MCM8: variants seen among roughly 807,000 people sequenced by gnomAD.
The protein encoded by MCM8 is minichromosome maintenance 8 homologous recombination repair factor, also known as DNA helicase MCM8.
A neutral mutation model predicts 98.9 loss-of-function variants in MCM8; 85 were observed. The ratio of observed to expected loss-of-function variants is 0.86; its 90% CI spans 0.72 to 1.03. MCM8 has a LOEUF of 1.03. Among genes scored for constraint, MCM8 ranks in the 50% least tolerant of loss-of-function variants. The probability of loss-of-function intolerance (pLI) is 0.00; values close to 1 mark genes in which losing one functional copy is unlikely to be tolerated. For missense variants in MCM8, 951 were observed against 997.8 expected, an observed-to-expected ratio of 0.95 and a Z score of 0.63; for synonymous variants, 352 against 338.6, an observed-to-expected ratio of 1.04 and a Z score of -0.44.
chr20:5,952,184 T>G, intron 2 of MCM8, 21 bp downstream of exon 2: 1 of 1,608,398 alleles, frequency 6.2e-7, no homozygotes. Context: ...TCAATGATTG[T>G]TCAATTTTTT....
At chr20:5,984,310 G>A (rs1437867529) in intron 14 of MCM8, among the ~76,000 whole-genome samples, 7 of 151,866 alleles carry the variant, frequency 4.6e-5, no homozygotes, top group Non-Finnish European at 1.0e-4. Flanking sequence ...GGAGATTTAG[G>A]GTATTTACCA....
chr20:5,967,822 A>G lies in MCM8; in HGVS notation c.1028-8A>G, dbSNP rs751694018. 6.3e-7 allele frequency: 1 copy of G among 1,596,204 alleles called. No individual in the cohort carries two copies. The highest frequency in any genetic ancestry group is 1.3e-5 in the African/African-American group (1 of 74,102). ...CCAACTATTGTATTTAACACTTTTA[A>G]TTTACAGGTTCTCGAAATAAGAATG... On this transcript the variant is annotated splice_polypyrimidine_tract_variant and splice_region_variant and intron_variant, in intron 9 of 18. Transcript: ENST00000610722.
chr20:5,960,457 T>C (rs1028652796), intron 7 of MCM8, among the ~76,000 whole-genome samples: 1 of 152,180 alleles, frequency 6.6e-6, no homozygotes, highest in African/African-American at 2.4e-5. Flanking sequence ...TATTAGTTTA[T>C]TGATAGGAGT....
chr20:5,953,438 GGTGTGTGTGT>G (rs11470045), intron 3 of MCM8, among the ~76,000 whole-genome samples: 41 of 146,294 alleles, frequency 2.8e-4, no homozygotes, highest in Admixed American at 1.1e-3. Flanking sequence ...TCTCATGAGG[GGTGTGTGTGT>G]GTGTGTGTGT....
chr20:5,968,545 TA>T (rs990615404), intron 10 of MCM8, among the ~76,000 whole-genome samples: 135 of 146,272 alleles, frequency 9.2e-4, no homozygotes, highest in African/African-American at 1.8e-3. Context: ...ACTCTGTCTT[TA>T]AAAAAAAAAA....
At position 5,971,990 on chromosome 20, in the gene MCM8, T is replaced by C; in HGVS notation, c.1224-17T>C. On this transcript the variant is annotated splice_polypyrimidine_tract_variant and intron_variant, in intron 10 of 18. Coordinates refer to ENST00000610722, the MANE Select transcript of MCM8 (RefSeq NM_032485.6). ...GAAGTATAAATTAGAATTTATAAGTTGTGTTCTGTTTTTCAGCTCGCTTTG... is the reference window on the plus strand; with the variant it reads ...GAAGTATAAATTAGAATTTATAAGTCGTGTTCTGTTTTTCAGCTCGCTTTG... 1 of 1,609,194 alleles carries C rather than the reference T, an allele frequency of 6.2e-7. No homozygotes were observed. The highest frequency in any genetic ancestry group is 8.5e-7 in the Non-Finnish European group (1 of 1,176,800).
chr20:5,965,885 C>T (rs762962657), intron 8 of MCM8, among the ~76,000 whole-genome samples: 2 of 151,992 alleles, frequency 1.3e-5, no homozygotes. Flanking sequence ...CAAAAAAACA[C>T]ACCTTCCTTC....
chr20:5,978,156 A>G (rs2089552919), intron 13 of MCM8, 139 bp downstream of exon 13: 3 of 901,388 alleles, frequency 3.3e-6, no homozygotes, highest in South Asian at 1.8e-5. Flanking sequence ...ACTGTCAGAA[A>G]TAATCATTGG....
In MCM8 at chr20:5,983,010, A is replaced by G; in HGVS notation, c.1578A>G (p.Gln526=). The G allele has an allele frequency of 6.2e-7, 1 of 1,613,514 alleles. No homozygotes were observed. Among genetic ancestry groups the G allele is most frequent in the South Asian group, 1.1e-5 (1 of 90,830 alleles). Residue 526 remains glutamine (Q), a synonymous_variant, in exon 14 of 19, where the codon CAA becomes CAG. Transcript: ENST00000610722. ...ATGAATTTGATAAGATGGGGAATCAACATCAAGCCTTGTTGGAAGCCATGG... is the reference window on the plus strand; with the variant it reads ...ATGAATTTGATAAGATGGGGAATCAGCATCAAGCCTTGTTGGAAGCCATGG... ...GIDEFDKMGN[Q]HQALLEAMEQ...
chr20:5,952,397 A>G (rs776681115), intron 2 of MCM8, 27 bp from the exon 3 acceptor site: 19 of 1,606,484 alleles, frequency 1.2e-5, no homozygotes, highest in Non-Finnish European at 1.5e-5. Flanking sequence ...CTCTGTTTCT[A>G]CTAACCTAGT....
At chr20:5,991,646 AAC>A (rs1310440594) in intron 17 of MCM8, among the ~76,000 whole-genome samples, 2 of 152,204 alleles carry the variant, frequency 1.3e-5, no homozygotes, top group African/African-American at 4.8e-5. Flanking sequence ...GATCCAGTGA[AAC>A]ACAATGAAAT....
intron 5 of MCM8, 55 bp from the exon 6 acceptor site, chr20:5,957,071 G>T (rs2122660870): frequency 2.6e-6 from 3 of 1,152,438 alleles, no homozygotes; most frequent in East Asian, 4.9e-5. Flanking sequence ...ATAGAGTTCT[G>T]TATAAAGAGG....
rs11478703 is a variant in MCM8 at position 5,964,119 on chromosome 20, CTT to C, written c.875+776_875+777del. On this transcript the variant is annotated intron_variant, in intron 8 of 18. Coordinates refer to ENST00000610722, the MANE Select transcript of MCM8 (RefSeq NM_032485.6). ...ATTTTACTATAGGGTTTTTTAATAG[CTT>C]TTTTTTTTTTTTTTTGCAAGTCAGA... Among the ~76,000 whole-genome samples the C allele has an allele frequency of 3.8e-3, 467 of 123,964 alleles. 1 individual carries two copies. The highest frequency in any genetic ancestry group is 0.024 in the East Asian group (99 of 4,146). 81.3% of individuals were successfully genotyped at this position (123,964 alleles called of 152,430 possible). A position where few individuals can be genotyped will look rare whatever the true frequency, so the allele number is the denominator to read the frequency against.
In MCM8 at chr20:5,959,783, C is replaced by T. The variant is rs570874331; in HGVS notation, c.789+1057C>T. ...GCGCGATCTTGGCTCACCGCAACCT[C>T]CGCCTCCTGGGTTCAAGCAGTTCTC... On this transcript the variant is annotated intron_variant, in intron 7 of 18. Coordinates refer to ENST00000610722, the MANE Select transcript of MCM8 (RefSeq NM_032485.6). 7.9e-5 allele frequency among the ~76,000 whole-genome samples: 12 copies of T among 151,084 alleles called. 1 individual carries two copies. The highest frequency in any genetic ancestry group is 4.2e-4 in the South Asian group (2 of 4,766).
intron 7 of MCM8, among the ~76,000 whole-genome samples, chr20:5,960,069 A>G (rs183543711): frequency 3.9e-5 from 6 of 152,244 alleles, no homozygotes; most frequent in African/African-American, 1.4e-4. Flanking sequence ...TTAAGTAGTT[A>G]CCATTTCTCT....
rs1383671784 is a variant in MCM8, at chr20:5,996,820, T to G, written c.*2429T>G. The G allele has an allele frequency of 6.6e-6, 1 of 152,240 alleles. No individual in the cohort carries two copies. Among genetic ancestry groups the G allele is most frequent in the Non-Finnish European group, 1.5e-5 (1 of 68,036 alleles). The allele number at this position is 152,240 out of a possible 1,614,324, so 9.4% of individuals were successfully genotyped here. On this transcript the variant is annotated 3_prime_UTR_variant, in exon 19 of 19. Coordinates refer to ENST00000610722, the MANE Select transcript of MCM8 (RefSeq NM_032485.6). ...ACAACAAAAGTTGTTTAGCTTTCCC[T>G]TACAATCCAGCTTTTATGGGTGTGC...
rs1207554124 is a variant in MCM8, at chr20:5,968,115, C to A, written c.1223+90C>A. ...GTAACAAAAAACTAGTCAAAATGGT[C>A]GGCAAACTACAGTCCATGTACCAAA... On this transcript the variant is annotated intron_variant, in intron 10 of 18. Transcript: ENST00000610722. 6.8e-6 allele frequency: 7 copies of A among 1,029,536 alleles called. No homozygotes were observed. In the South Asian group the frequency reaches 8.0e-5, roughly 12 times the overall value. 63.8% of individuals were successfully genotyped at this position (1,029,536 alleles called of 1,614,324 possible). A position where few individuals can be genotyped will look rare whatever the true frequency, so the allele number is the denominator to read the frequency against.
chr20:5,998,825 C>T lies in MCM8; in HGVS notation c.*4434C>T, dbSNP rs1209043647. On this transcript the variant is annotated 3_prime_UTR_variant, in exon 19 of 19. Transcript: ENST00000610722. The stretch of plus-strand genomic sequence containing the variant: ...TCGTTTTATTTAACCCTCAGAAGAA[C>T]TGAAAACAAAAGCTATACCAGGCTT... The T allele has an allele frequency of 6.6e-6, 1 of 152,166 alleles. No homozygotes were observed. The highest frequency in any genetic ancestry group is 1.5e-5 in the Non-Finnish European group (1 of 68,028). 9.4% of individuals were successfully genotyped at this position (152,166 alleles called of 1,614,324 possible). A position where few individuals can be genotyped will look rare whatever the true frequency, so the allele number is the denominator to read the frequency against.
intron 10 of MCM8, among the ~76,000 whole-genome samples, chr20:5,968,792 AGAGT>A (rs1299109993): frequency 6.6e-6 from 1 of 152,248 alleles, no homozygotes; most frequent in Non-Finnish European, 1.5e-5. Context: ...ACTCAACGGA[AGAGT>A]GAGGGAACAG....
Sources: allele counts gnomAD v4.1 joint callset (sites outside exome capture counted in the v4.1 genomes callset), GRCh38; gene constraint gnomAD v4.1.1; transcripts MANE v1.5; gene names NCBI Gene and HGNC (gene_info 2026-07-23, HGNC 2026-07-21).